The following TLE4 variants were observed in gnomAD, a reference collection of about 807,000 sequenced individuals.
TLE4 encodes transducin-like enhancer protein 4.
A neutral mutation model predicts 92.8 loss-of-function variants in TLE4; 8 were observed. The observed-to-expected ratio is 0.09, with a 90% CI of 0.05 to 0.16. The LOEUF is 0.16. TLE4 is among the 10% of genes least tolerant of loss of function. TLE4 has a pLI of 1.00. For synonymous variants in TLE4, 371 were observed against 374.1 expected, an observed-to-expected ratio of 0.99 and a Z score of 0.10; for missense variants, 675 against 997.6, an observed-to-expected ratio of 0.68 and a Z score of 4.36.
chr9:79,600,303 A>G (rs954339509), intron 4 of TLE4, among the ~76,000 whole-genome samples: 20 of 152,188 alleles, frequency 1.3e-4, no homozygotes, highest in Admixed American at 5.9e-4. Flanking sequence ...GAGCCTGATT[A>G]TAGGGAAAAT....
Position 79,652,752 on chromosome 9 carries a change from A to G in TLE4, c.550A>G (p.Ile184Val), listed in dbSNP as rs764211536. Residue 184 changes from isoleucine (I) to valine (V), a missense_variant, in exon 7 of 20, where the codon ATT becomes GTT. Coordinates refer to ENST00000376552, the MANE Select transcript of TLE4 (RefSeq NM_007005.6). ...SALGGQSHLP[I>V]KDEKKHHDND... The stretch of plus-strand genomic sequence containing the variant: ...TCTAGGAGGTCAGTCCCATCTTCCA[A>G]TTAAAGATGAGAAGAAGCACCATGA... 12 of 1,614,010 alleles carry G rather than the reference A, an allele frequency of 7.4e-6. No homozygotes were observed. The highest frequency in any genetic ancestry group is 5.3e-5 in the African/African-American group (4 of 74,896).
chr9:79,572,756 G>A lies in TLE4; in HGVS notation c.-35G>A. The A allele has an allele frequency of 1.9e-6, 3 of 1,591,310 alleles. No homozygotes were observed. The highest frequency in any genetic ancestry group is 2.6e-6 in the Non-Finnish European group (3 of 1,169,990). ...GGTCATTAAAGCCAATGAGCCGCGC[G>A]CCTCTGCCGAGCGCAGCCAACTAAA... On this transcript the variant is annotated 5_prime_UTR_variant, in exon 1 of 20. Coordinates refer to ENST00000376552, the MANE Select transcript of TLE4 (RefSeq NM_007005.6).
intron 11 of TLE4, chr9:79,707,335 A>G: frequency 1.2e-6 from 1 of 842,384 alleles, no homozygotes; most frequent in Non-Finnish European, 1.9e-6. Context: ...CTCATTTACA[A>G]AAGTCTATCT....
intron 6 of TLE4, among the ~76,000 whole-genome samples, chr9:79,642,962 G>A (rs1449460675): frequency 6.6e-6 from 1 of 152,170 alleles, no homozygotes; most frequent in Non-Finnish European, 1.5e-5. Context: ...TAAATCTCAT[G>A]TTGTAAGTCA....
Position 79,718,074 on chromosome 9 carries a change from A to G in TLE4, c.1341-648A>G, listed in dbSNP as rs1342696401. 6 of 456,560 alleles carry G rather than the reference A, an allele frequency of 1.3e-5. No homozygotes were observed. The Admixed American group carries it at 1.4e-4, about 11-fold the overall frequency. The allele number at this position is 456,560 out of a possible 1,614,324, so 28.3% of individuals were successfully genotyped here. ...GAACTGCCAAGAGATACTCACAGGT[A>G]GGCCTTTGGGGCTGTCAGGATGCCT... On this transcript the variant is annotated intron_variant, in intron 14 of 19. Coordinates refer to ENST00000376552, the MANE Select transcript of TLE4 (RefSeq NM_007005.6).
intron 4 of TLE4, among the ~76,000 whole-genome samples, chr9:79,589,971 CA>C (rs2042133116): frequency 6.6e-6 from 1 of 152,126 alleles, no homozygotes; most frequent in African/African-American, 2.4e-5. Flanking sequence ...CCTGAGTCCA[CA>C]ATATGGGTTC....
chr9:79,595,238 G>A (rs2043655908), intron 4 of TLE4, among the ~76,000 whole-genome samples: 1 of 152,166 alleles, frequency 6.6e-6, no homozygotes. Flanking sequence ...TAAAGTCTAA[G>A]GCAATAAGAA....
chr9:79,698,096 G>A (rs1157649980), intron 8 of TLE4, among the ~76,000 whole-genome samples: 2 of 152,156 alleles, frequency 1.3e-5, no homozygotes, highest in Non-Finnish European at 2.9e-5. Context: ...TTATCCTTAT[G>A]GCAACTTACA....
chr9:79,681,793 A>G (rs1285958618), intron 8 of TLE4, among the ~76,000 whole-genome samples: 2 of 149,666 alleles, frequency 1.3e-5, no homozygotes, highest in Admixed American at 6.7e-5. Flanking sequence ...GAAGAGAGGG[A>G]GAGAGGGAGA....
intron 8 of TLE4, among the ~76,000 whole-genome samples, chr9:79,688,013 A>G (rs1363860967): frequency 6.6e-6 from 1 of 152,158 alleles, no homozygotes; most frequent in African/African-American, 2.4e-5. Flanking sequence ...GCAAGAGGCT[A>G]GATGATTTCT....
In TLE4 at chr9:79,609,372, A is replaced by G. The variant is rs566227911; in HGVS notation, c.253-3284A>G. The stretch of plus-strand genomic sequence containing the variant: ...TCTTTACATTTTTCTGAGATATTTT[A>G]TCCAAACCAAGGTTTTCTTTAGCAG... On this transcript the variant is annotated intron_variant, in intron 4 of 19. Coordinates refer to ENST00000376552, the MANE Select transcript of TLE4 (RefSeq NM_007005.6). 3.9e-5 allele frequency among the ~76,000 whole-genome samples: 6 copies of G among 152,130 alleles called. No individual in the cohort carries two copies. The South Asian group carries it at 8.3e-4, about 21-fold the overall frequency.
intron 3 of TLE4, among the ~76,000 whole-genome samples, chr9:79,575,189 A>G (rs2037338017): frequency 6.6e-6 from 1 of 152,144 alleles, no homozygotes; most frequent in African/African-American, 2.4e-5. Flanking sequence ...GTTTTTACAG[A>G]TCGAAAAAAA....
intron 6 of TLE4, among the ~76,000 whole-genome samples, chr9:79,636,041 C>T (rs2055710184): frequency 6.6e-6 from 1 of 152,106 alleles, no homozygotes; most frequent in Non-Finnish European, 1.5e-5. Context: ...ACTCTTCCAG[C>T]CTCTTCCTGA....
In TLE4 at chr9:79,671,995, C is replaced by CTTTTT. The variant is rs773064446; in HGVS notation, c.609+17945_609+17949dup. On this transcript the variant is annotated intron_variant, in intron 8 of 19. Coordinates refer to ENST00000376552, the MANE Select transcript of TLE4 (RefSeq NM_007005.6). Reference sequence around the variant, plus strand: ...CTTTTTAGGCCATTGAAACAAAACACTTTTTTTTTTTTTTTTTTTTTTTTT... The same window carrying CTTTTT: ...CTTTTTAGGCCATTGAAACAAAACACTTTTTTTTTTTTTTTTTTTTTTTTTTTTTT... Among the ~76,000 whole-genome samples, 8 of 33,716 alleles carry CTTTTT rather than the reference C, an allele frequency of 2.4e-4. 2 individuals are homozygous for CTTTTT. Among genetic ancestry groups the CTTTTT allele is most frequent in the African/African-American group, 7.9e-4 (6 of 7,614 alleles). 22.1% of individuals were successfully genotyped at this position (33,716 alleles called of 152,430 possible).
At chr9:79,714,345 A>G (rs942044783) in intron 14 of TLE4, among the ~76,000 whole-genome samples, 14 of 152,306 alleles carry the variant, frequency 9.2e-5, no homozygotes, top group Middle Eastern at 3.4e-3. Flanking sequence ...TTTTAATTAT[A>G]TAGAGATATA....
At chr9:79,601,738 G>A (rs1270946026) in intron 4 of TLE4, among the ~76,000 whole-genome samples, 2 of 151,948 alleles carry the variant, frequency 1.3e-5, no homozygotes, top group Admixed American at 1.3e-4. Flanking sequence ...ATTGAAATTA[G>A]GCCAATTAAT....
intron 14 of TLE4, 92 bp from the exon 15 acceptor site, chr9:79,718,630 G>A: frequency 3.4e-6 from 5 of 1,456,698 alleles, no homozygotes; most frequent in Non-Finnish European, 4.6e-6. Context: ...AAGTGGCACT[G>A]AAGGTGTTTT....
intron 8 of TLE4, among the ~76,000 whole-genome samples, chr9:79,674,601 T>A (rs551741760): frequency 1.2e-4 from 18 of 152,210 alleles, no homozygotes; most frequent in Non-Finnish European, 2.2e-4. Flanking sequence ...AGTATCGATT[T>A]TGTATATGTG....
Position 79,701,765 on chromosome 9 carries a change from G to A in TLE4, c.610-3018G>A, listed in dbSNP as rs149933485. Among the ~76,000 whole-genome samples the A allele has an allele frequency of 3.9e-3, 588 of 152,302 alleles. 3 individuals carry two copies. Among genetic ancestry groups the A allele is most frequent in the African/African-American group, 0.013 (552 of 41,548 alleles). On this transcript the variant is annotated intron_variant, in intron 8 of 19. Transcript: ENST00000376552. ...AGGAATGTATCATAAGAGATTTGGAGTGAGATTGAGGCGTGCAGAGGGGAT... is the reference window on the plus strand; with the variant it reads ...AGGAATGTATCATAAGAGATTTGGAATGAGATTGAGGCGTGCAGAGGGGAT...
Sources: allele counts gnomAD v4.1 joint callset (sites outside exome capture counted in the v4.1 genomes callset), GRCh38; gene constraint gnomAD v4.1.1; transcripts MANE v1.5; gene names NCBI Gene and HGNC (gene_info 2026-07-23, HGNC 2026-07-21).